PRSS54: variants seen among roughly 807,000 people sequenced by gnomAD.
PRSS54 encodes the protein serine protease 54.
A neutral mutation model predicts 19.9 loss-of-function variants in PRSS54; 16 were observed. The observed-to-expected ratio is 0.80, with a 90% CI of 0.54 to 1.22. PRSS54 has a LOEUF of 1.22. Ranked by LOEUF, PRSS54 falls within the 50% of genes most tolerant of loss-of-function variation. The probability of loss-of-function intolerance (pLI) is 0.00; values close to 1 mark genes in which losing one functional copy is unlikely to be tolerated. For missense variants in PRSS54, 444 were observed against 494.8 expected (o/e 0.90, Z 0.97); for synonymous variants, 177 against 195.8 (o/e 0.90, Z 0.80).
chr16:58,280,701 C>T lies in PRSS54; in HGVS notation c.711G>A (p.Leu237=), dbSNP rs1463515411. ...CACCACCGAAGTTCAGGACTCCTCT[C>T]AGAACCCACAGATCGAACTGCTGTA... ...CQLQQFDLWV[L]RGVLNFGGET... Residue 237 remains leucine, a synonymous_variant, in exon 7 of 7, where the codon CTG becomes CTA. Coordinates refer to ENST00000567164, the MANE Select transcript of PRSS54 (RefSeq NM_001305173.2). 5 of 1,614,100 alleles carry T rather than the reference C, an allele frequency of 3.1e-6. No individual in the cohort carries two copies. The highest frequency in any genetic ancestry group is 3.3e-5 in the Admixed American group (2 of 60,032).
intron 6 of PRSS54, chr16:58,283,193 T>C (rs570467524): frequency 1.8e-4 from 28 of 152,318 alleles, no homozygotes; most frequent in Non-Finnish European, 2.6e-4. Context: ...GGGAAACCCA[T>C]AGGCAGATTC....
intron 5 of PRSS54, chr16:58,285,330 G>C (rs1964889150): frequency 6.4e-6 from 1 of 156,602 alleles, no homozygotes; most frequent in Admixed American, 6.1e-5. Flanking sequence ...CCGTAGTTCG[G>C]GGACTAACAT....
rs140625002 is a variant in PRSS54, at chr16:58,284,768, T to C, written c.523-47A>G. The C allele has an allele frequency of 2.5e-4, 407 of 1,608,338 alleles. 2 individuals carry two copies. In the African/African-American group the frequency reaches 4.7e-3, roughly 19 times the overall value. ...CCAGGGATTATTAACGAGAAGGCAGTCCCCTATGTCAACACAACTCCCACT... is the reference window on the plus strand; with the variant it reads ...CCAGGGATTATTAACGAGAAGGCAGCCCCCTATGTCAACACAACTCCCACT... On this transcript the variant is annotated intron_variant, in intron 5 of 6. Coordinates refer to ENST00000567164, the MANE Select transcript of PRSS54 (RefSeq NM_001305173.2).
chr16:58,280,213 T>C lies in PRSS54; in HGVS notation c.*11A>G. 6.3e-7 allele frequency: 1 copy of C among 1,593,016 alleles called. No individual in the cohort carries two copies. Among genetic ancestry groups the C allele is most frequent in the Non-Finnish European group, 8.6e-7 (1 of 1,169,374 alleles). On this transcript the variant is annotated 3_prime_UTR_variant, in exon 7 of 7. Transcript: ENST00000567164. ...CAGTTTACTCTTCAGTTTGGTGGGG[T>C]AGCTCCTGGACTAGATACTGCTGCA... is the stretch of plus-strand genomic sequence containing the variant.
chr16:58,293,591 C>A, intron 3 of PRSS54, 141 bp downstream of exon 3: 1 of 1,482,786 alleles, frequency 6.7e-7, no homozygotes, highest in Non-Finnish European at 8.9e-7. Context: ...GCCACCAATG[C>A]AGGCCGCCCG....
At chr16:58,288,012 C>T (rs765228384) in intron 4 of PRSS54, among the ~76,000 whole-genome samples, 35 of 152,204 alleles carry the variant, frequency 2.3e-4, no homozygotes, top group Non-Finnish European at 4.7e-4. Context: ...AAAATATTCA[C>T]ATAGACCACC....
chr16:58,289,923 C>G (rs575938100), intron 4 of PRSS54, among the ~76,000 whole-genome samples: 3 of 151,936 alleles, frequency 2.0e-5, no homozygotes, highest in Non-Finnish European at 4.4e-5. Context: ...TTAAACTATT[C>G]ACCAGCTGCA....
intron 6 of PRSS54, chr16:58,281,147 G>T (rs16960027): frequency 0.1 from 19,549 of 187,774 alleles, 1,082 homozygotes; most frequent in Admixed American, 0.13. Flanking sequence ...AACCCTTAGT[G>T]TAAGCCACTT....
intron 6 of PRSS54, chr16:58,284,333 T>G: frequency 2.5e-6 from 1 of 395,998 alleles, no homozygotes; most frequent in Non-Finnish European, 4.7e-6. Flanking sequence ...CTTTCAAATT[T>G]TTAGCTAGTT....
At chr16:58,280,812 A>G in intron 6 of PRSS54, 55 bp from the exon 7 acceptor site, 1 of 1,486,454 alleles carries the variant, frequency 6.7e-7, no homozygotes, top group Non-Finnish European at 9.1e-7. Flanking sequence ...TTTGTTGTAA[A>G]TCTATCCTTG....
intron 4 of PRSS54, among the ~76,000 whole-genome samples, chr16:58,289,310 C>T (rs536469214): frequency 2.0e-5 from 3 of 152,238 alleles, no homozygotes; most frequent in African/African-American, 7.2e-5. Context: ...TTTAAGCCAC[C>T]CAGTCTGTGA....
At position 58,283,491 on chromosome 16, in the gene PRSS54, G is replaced by T. The variant is rs1294572343; in HGVS notation, c.654+1099C>A. On this transcript the variant is annotated intron_variant, in intron 6 of 6. Coordinates refer to ENST00000567164, the MANE Select transcript of PRSS54 (RefSeq NM_001305173.2). ...AAATCAACATCTTTGAAATTAGGGT[G>T]TGTCTTTTAATCAGTTGATGTCAGA... 3 of 152,266 alleles carry T rather than the reference G, an allele frequency of 2.0e-5. No homozygotes were observed. In the East Asian group the frequency reaches 5.8e-4, roughly 29 times the overall value. 9.4% of individuals were successfully genotyped at this position (152,266 alleles called of 1,614,324 possible). A position where few individuals can be genotyped will look rare whatever the true frequency, so the allele number is the denominator to read the frequency against.
intron 4 of PRSS54, among the ~76,000 whole-genome samples, chr16:58,289,801 T>C (rs964159026): frequency 2.6e-5 from 4 of 151,976 alleles, no homozygotes; most frequent in Non-Finnish European, 5.9e-5. Flanking sequence ...TCACGAGAAC[T>C]CCTGACCTCA....
chr16:58,289,940 T>G (rs1292454535), intron 4 of PRSS54, among the ~76,000 whole-genome samples: 1 of 152,020 alleles, frequency 6.6e-6, no homozygotes, highest in African/African-American at 2.4e-5. Context: ...TGCATAATAT[T>G]CCATCAAGGA....
At chr16:58,289,522 G>A (rs112854140) in intron 4 of PRSS54, among the ~76,000 whole-genome samples, 86 of 152,072 alleles carry the variant, frequency 5.7e-4, no homozygotes, top group Middle Eastern at 3.4e-3. Flanking sequence ...GGGAGGGAAG[G>A]AGCTGCTTTT....
At chr16:58,292,941 T>C (rs1965067297) in intron 3 of PRSS54, among the ~76,000 whole-genome samples, 1 of 152,146 alleles carries the variant, frequency 6.6e-6, no homozygotes, top group Admixed American at 6.5e-5. Context: ...AGGACCTTTC[T>C]GTGTTTTCTG....
chr16:58,291,242 T>A (rs1409284498), intron 3 of PRSS54, 106 bp from the exon 4 acceptor site: 2 of 1,041,970 alleles, frequency 1.9e-6, no homozygotes, highest in East Asian at 5.1e-5. Context: ...CGCAACCCCT[T>A]TTCTTTCTTT....
rs779028725 is a variant in PRSS54, at chr16:58,280,414, A to G, written c.998T>C (p.Leu333Pro). The change falls in exon 7 of 7, where the codon CTA becomes CCA. Residue 333 changes from leucine (L) to proline (P), a missense_variant. Transcript: ENST00000567164. ...CTTTACATCCTTCTCCCTAACATCT[A>G]GACTATCTCTAGAGCTGTTTCCTAG... Reference protein sequence around the residue: ...SRLGNSSRDSLDVREKDVKES... With the variant: ...SRLGNSSRDSPDVREKDVKES... The G allele has an allele frequency of 1.1e-5, 18 of 1,614,108 alleles. No individual in the cohort carries two copies. In the South Asian group the frequency reaches 1.4e-4, roughly 13 times the overall value.
chr16:58,284,720 G>C lies in PRSS54; in HGVS notation c.524C>G (p.Thr175Arg), dbSNP rs755687830. The C allele has an allele frequency of 2.5e-6, 4 of 1,613,896 alleles. 1 individual carries two copies. The highest frequency in any genetic ancestry group is 2.2e-5 in the East Asian group (1 of 44,870). ...WVSGWNPTSA[T>R]GNHMTMSVLR... Reference sequence around the variant, plus strand: ...GACACTCATCGTCATGTGATTTCCTGTCTGGACCATGCAACAGAGAGCCCA... The same window carrying C: ...GACACTCATCGTCATGTGATTTCCTCTCTGGACCATGCAACAGAGAGCCCA... Residue 175 changes from threonine to arginine, a missense_variant and splice_region_variant, in exon 6 of 7, where the codon ACA (threonine) becomes AGA (arginine). Physicochemically the swap from Thr to Arg is moderately conservative, Grantham distance 71. Coordinates refer to ENST00000567164, the MANE Select transcript of PRSS54 (RefSeq NM_001305173.2).
Sources: gnomAD v4.1 joint callset for allele counts (sites outside exome capture counted in the v4.1 genomes callset) on GRCh38, gnomAD v4.1.1 for gene constraint, MANE v1.5 for transcripts, NCBI Gene and HGNC (gene_info 2026-07-23, HGNC 2026-07-21) for gene names.